GALNT5: variants seen among roughly 807,000 people sequenced by gnomAD.
GALNT5 encodes the protein UDP-GalNAc:polypeptide N-acetylgalactosaminyltransferase 5.
In GALNT5, 72 loss-of-function variants were observed where a neutral mutation model predicts 85.4. The ratio of observed to expected loss-of-function variants is 0.84; its 90% CI spans 0.70 to 1.03. The LOEUF is 1.03. GALNT5 is among the 50% of genes least tolerant of loss of function. The probability of loss-of-function intolerance (pLI) is 0.00; values close to 1 mark genes in which losing one functional copy is unlikely to be tolerated. For synonymous variants in GALNT5, 404 were observed against 397.0 expected (o/e 1.02, Z -0.21); for missense variants, 1,137 against 1,135.5 (o/e 1.00, Z -0.02).
chr2:157,305,232 T>A (rs1474208585), intron 7 of GALNT5, among the ~76,000 whole-genome samples: 2 of 152,172 alleles, frequency 1.3e-5, no homozygotes, highest in Non-Finnish European at 2.9e-5. Context: ...TTTCCTATAA[T>A]GAATTGTAGC....
At chr2:157,268,313 A>G (rs762283784) in intron 1 of GALNT5, among the ~76,000 whole-genome samples, 4 of 152,206 alleles carry the variant, frequency 2.6e-5, no homozygotes, top group Non-Finnish European at 5.9e-5. Flanking sequence ...AGAAGCCAGG[A>G]GGGTGGGACG....
At chr2:157,308,223 A>G (rs1446419151) in intron 8 of GALNT5, among the ~76,000 whole-genome samples, 1 of 152,220 alleles carries the variant, frequency 6.6e-6, no homozygotes, top group African/African-American at 2.4e-5. Flanking sequence ...GAACACTGAA[A>G]TGACATCCAT....
chr2:157,278,529 T>C (rs1206684321), intron 1 of GALNT5, among the ~76,000 whole-genome samples: 1 of 152,210 alleles, frequency 6.6e-6, no homozygotes, highest in East Asian at 1.9e-4. Flanking sequence ...CTCTTTTTCC[T>C]CTAAACTTGT....
At chr2:157,265,042 A>C (rs2105147228) in intron 1 of GALNT5, among the ~76,000 whole-genome samples, 1 of 152,272 alleles carries the variant, frequency 6.6e-6, no homozygotes, top group Non-Finnish European at 1.5e-5. Context: ...GATGAATTCA[A>C]AAGGATTTAC....
chr2:157,275,500 T>C (rs1682702956), intron 1 of GALNT5, among the ~76,000 whole-genome samples: 2 of 152,228 alleles, frequency 1.3e-5, no homozygotes, highest in African/African-American at 2.4e-5. Context: ...TCCTATTTCA[T>C]TGAGCAGTGG....
Position 157,262,819 on chromosome 2 carries a change from CTTTTTTTTTTTTT to C in GALNT5, c.1454+3298_1454+3310del, listed in dbSNP as rs535380585. On this transcript the variant is annotated intron_variant, in intron 1 of 9. Transcript: ENST00000259056. ...AATGTTAAGATTCAATTTCACAACT[CTTTTTTTTTTTTT>C]TTTTTTTTTTTTTTGAGATGGAGTC... Among the ~76,000 whole-genome samples the C allele has an allele frequency of 4.5e-4, 45 of 100,946 alleles. 1 individual carries two copies. The highest frequency in any genetic ancestry group is 6.3e-4 in the Non-Finnish European group (34 of 53,966). 66.2% of individuals were successfully genotyped at this position (100,946 alleles called of 152,430 possible).
rs958729438 is a variant in GALNT5 at position 157,318,044 on chromosome 2, T to G, written c.*6696T>G. Among the ~76,000 whole-genome samples, 13 of 152,178 alleles carry G rather than the reference T, an allele frequency of 8.5e-5. No homozygotes were observed. Among genetic ancestry groups the G allele is most frequent in the African/African-American group, 3.1e-4 (13 of 41,448 alleles). On this transcript the variant is annotated 3_prime_UTR_variant, in exon 10 of 10. Transcript: ENST00000259056. ...ACATTGCATTTTACAATCCTATTGTTTTTTAGAGTGATGAAAGTTCAAGTT... is the reference window on the plus strand; with the variant it reads ...ACATTGCATTTTACAATCCTATTGTGTTTTAGAGTGATGAAAGTTCAAGTT...
rs140543840 is a variant in GALNT5 at position 157,263,222 on chromosome 2, T to C, written c.1454+3686T>C. 4.1e-3 allele frequency among the ~76,000 whole-genome samples: 613 copies of C among 148,504 alleles called. 26 individuals are homozygous for C. Among genetic ancestry groups the C allele is most frequent in the African/African-American group, 0.015 (565 of 37,964 alleles). On this transcript the variant is annotated intron_variant, in intron 1 of 9. Transcript: ENST00000259056. Reference sequence around the variant, plus strand: ...GCCCATGTTTCTCCCCTTTGTGGTATAGCAATAGCACCCTGCACATGACAT... The same window carrying C: ...GCCCATGTTTCTCCCCTTTGTGGTACAGCAATAGCACCCTGCACATGACAT...
In GALNT5 at chr2:157,263,202, T is replaced by C. The variant is rs570205215; in HGVS notation, c.1454+3666T>C. ...CACACTGTCCTTTTCTGTCTGCCCATGTTTCTCCCCTTTGTGGTATAGCAA... is the reference window on the plus strand; with the variant it reads ...CACACTGTCCTTTTCTGTCTGCCCACGTTTCTCCCCTTTGTGGTATAGCAA... On this transcript the variant is annotated intron_variant, in intron 1 of 9. Transcript: ENST00000259056. Among the ~76,000 whole-genome samples the C allele has an allele frequency of 7.4e-5, 11 of 148,578 alleles. No homozygotes were observed. The East Asian group carries it at 1.2e-3, about 16-fold the overall frequency.
In GALNT5 at chr2:157,292,125, T is replaced by C. The variant is rs146481123; in HGVS notation, c.1742-3538T>C. 9.8e-4 allele frequency among the ~76,000 whole-genome samples: 149 copies of C among 152,318 alleles called. 2 individuals are homozygous for C. In the East Asian group the frequency reaches 0.025, roughly 25 times the overall value. On this transcript the variant is annotated intron_variant, in intron 3 of 9. Transcript: ENST00000259056. ...CAGGTAGCTCTTAGAAATATCTTCATAGGGCAAAGCTCAAAAAAGTTAAGT... is the reference window on the plus strand; with the variant it reads ...CAGGTAGCTCTTAGAAATATCTTCACAGGGCAAAGCTCAAAAAAGTTAAGT...
chr2:157,304,813 GC>G (rs543412633), intron 7 of GALNT5, among the ~76,000 whole-genome samples: 434 of 152,258 alleles, frequency 2.9e-3, no homozygotes, highest in Middle Eastern at 0.02. Flanking sequence ...AATGTACTGA[GC>G]CCCCTTTTAT....
At chr2:157,294,855 A>C (rs144035791) in intron 3 of GALNT5, among the ~76,000 whole-genome samples, 32 of 152,038 alleles carry the variant, frequency 2.1e-4, no homozygotes, top group African/African-American at 2.9e-4. Context: ...GGAGCAATGT[A>C]GATGCTACTG....
chr2:157,296,329 T>C, intron 4 of GALNT5, 65 bp from the exon 5 acceptor site: 1 of 1,313,926 alleles, frequency 7.6e-7, no homozygotes, highest in East Asian at 2.3e-5. Context: ...TGAAGCCAAA[T>C]CGATAAAGTA....
Position 157,316,513 on chromosome 2 carries a change from C to G in GALNT5, c.*5165C>G, listed in dbSNP as rs1274532761. 1.3e-5 allele frequency among the ~76,000 whole-genome samples: 2 copies of G among 152,064 alleles called. No homozygotes were observed. Among genetic ancestry groups the G allele is most frequent in the Non-Finnish European group, 2.9e-5 (2 of 68,010 alleles). On this transcript the variant is annotated 3_prime_UTR_variant, in exon 10 of 10. Coordinates refer to ENST00000259056, the MANE Select transcript of GALNT5 (RefSeq NM_014568.3). Reference sequence around the variant, plus strand: ...GAGTCCTTTAAAACACAAACCATGACTTTTTATTCCTACTCATTGTGTAGG... The same window carrying G: ...GAGTCCTTTAAAACACAAACCATGAGTTTTTATTCCTACTCATTGTGTAGG...
At position 157,316,265 on chromosome 2, in the gene GALNT5, T is replaced by G. The variant is rs564721824; in HGVS notation, c.*4917T>G. Among the ~76,000 whole-genome samples, 1 of 152,140 alleles carries G rather than the reference T, an allele frequency of 6.6e-6. No homozygotes were observed. The highest frequency in any genetic ancestry group is 6.5e-5 in the Admixed American group (1 of 15,268). On this transcript the variant is annotated 3_prime_UTR_variant, in exon 10 of 10. Transcript: ENST00000259056. ...AGCCTCTAGCTTGCATATCTATACTTGCAACTTGACTTTTCAGGCTGCTTT... is the reference window on the plus strand; with the variant it reads ...AGCCTCTAGCTTGCATATCTATACTGGCAACTTGACTTTTCAGGCTGCTTT...
chr2:157,265,211 G>T (rs1042668436), intron 1 of GALNT5, among the ~76,000 whole-genome samples: 2 of 152,164 alleles, frequency 1.3e-5, no homozygotes, highest in African/African-American at 4.8e-5. Context: ...AGGAGAGCAG[G>T]ACATAAAAAG....
At chr2:157,292,477 T>C (rs1683121694) in intron 3 of GALNT5, among the ~76,000 whole-genome samples, 1 of 152,252 alleles carries the variant, frequency 6.6e-6, no homozygotes, top group Admixed American at 6.5e-5. Flanking sequence ...TTTGAGCAGA[T>C]GCTGCTTCCC....
intron 1 of GALNT5, among the ~76,000 whole-genome samples, chr2:157,270,188 C>G (rs1428839207): frequency 6.6e-6 from 1 of 152,182 alleles, no homozygotes; most frequent in Admixed American, 6.6e-5. Flanking sequence ...TCCCCTCAAA[C>G]CTCACTACCC....
At position 157,317,562 on chromosome 2, in the gene GALNT5, C is replaced by T. The variant is rs967140774; in HGVS notation, c.*6214C>T. Among the ~76,000 whole-genome samples, 4 of 151,964 alleles carry T rather than the reference C, an allele frequency of 2.6e-5. No individual in the cohort carries two copies. Among genetic ancestry groups the T allele is most frequent in the African/African-American group, 9.7e-5 (4 of 41,390 alleles). On this transcript the variant is annotated 3_prime_UTR_variant, in exon 10 of 10. Coordinates refer to ENST00000259056, the MANE Select transcript of GALNT5 (RefSeq NM_014568.3). ...GTTAAAGATTGCCTGAAAACATTTG[C>T]TAAGGGGAGAATAAAACTAAAACTG...
Sources: allele counts gnomAD v4.1 joint callset (sites outside exome capture counted in the v4.1 genomes callset), GRCh38; gene constraint gnomAD v4.1.1; transcripts MANE v1.5; gene names NCBI Gene and HGNC (gene_info 2026-07-23, HGNC 2026-07-21).